The following THSD4 variants were observed in gnomAD, a reference collection of about 807,000 sequenced individuals.
THSD4 encodes the protein thrombospondin type 1 domain containing 4.
Under a neutral mutation model 119.0 loss-of-function variants are expected in THSD4, and 69 were observed. That is an observed-to-expected ratio of 0.58 (90% CI 0.48 to 0.71). The LOEUF (loss-of-function observed/expected upper bound fraction) is 0.71. Among genes scored for constraint, THSD4 ranks in the 30% least tolerant of loss-of-function variants. The pLI, the probability that THSD4 is intolerant of heterozygous loss-of-function variation, is 0.00. For synonymous variants in THSD4, 524 were observed against 540.4 expected (o/e 0.97, Z 0.42); for missense variants, 1,393 against 1,391.1 (o/e 1.00, Z -0.02).
At chr15:71,537,205 A>T (rs1299037464) in intron 7 of THSD4, among the ~76,000 whole-genome samples, 1 of 152,140 alleles carries the variant, frequency 6.6e-6, no homozygotes, top group East Asian at 1.9e-4. Context: ...AGCCCTTTTC[A>T]TCTGGACTAC....
At chr15:71,534,352 T>G (rs1595864817) in intron 7 of THSD4, among the ~76,000 whole-genome samples, 1 of 152,348 alleles carries the variant, frequency 6.6e-6, no homozygotes, top group Middle Eastern at 3.4e-3. Context: ...TTATCCTTCA[T>G]AAAAATTATT....
At chr15:71,676,548 G>A (rs1567095493) in intron 8 of THSD4, among the ~76,000 whole-genome samples, 1 of 152,110 alleles carries the variant, frequency 6.6e-6, no homozygotes, top group Non-Finnish European at 1.5e-5. Flanking sequence ...CCAAAGTGCT[G>A]GGATTACAGG....
chr15:71,170,855 C>A (rs2043353713), intron 3 of THSD4, among the ~76,000 whole-genome samples: 1 of 151,926 alleles, frequency 6.6e-6, no homozygotes, highest in African/African-American at 2.4e-5. Context: ...AAAAGACACC[C>A]AAATCTAACT....
At chr15:71,470,506 A>AT (rs2047560636) in intron 7 of THSD4, among the ~76,000 whole-genome samples, 1 of 152,142 alleles carries the variant, frequency 6.6e-6, no homozygotes, top group African/African-American at 2.4e-5. Context: ...AATTCATTTA[A>AT]TTTTCCTAAT....
chr15:71,501,114 A>G (rs1158507664), intron 7 of THSD4, among the ~76,000 whole-genome samples: 1 of 152,190 alleles, frequency 6.6e-6, no homozygotes, highest in African/African-American at 2.4e-5. Context: ...CATGAACATG[A>G]TATGTCTTTC....
chr15:71,737,680 C>G, intron 10 of THSD4, 52 bp from the exon 11 acceptor site: 13 of 1,520,568 alleles, frequency 8.5e-6, no homozygotes, highest in Non-Finnish European at 1.1e-5. Context: ...CTCTTTACAA[C>G]TCAGGGTCTA....
chr15:71,532,593 G>A (rs760544082), intron 7 of THSD4, among the ~76,000 whole-genome samples: 30 of 152,010 alleles, frequency 2.0e-4, no homozygotes, highest in Non-Finnish European at 2.9e-4. Context: ...GGGATTACAG[G>A]TGTGAGCCAC....
In THSD4 at chr15:71,778,646, A is replaced by T. The variant is rs775644180; in HGVS notation, c.*1272A>T. ...CTGGTCTTTCTGGTTTTGTTTATGA[A>T]TTTCCCTCTGTGGCCACAAATTCCT... On this transcript the variant is annotated 3_prime_UTR_variant, in exon 18 of 18. Transcript: ENST00000261862. 6.6e-6 allele frequency: 1 copy of T among 152,302 alleles called. No individual in the cohort carries two copies. The highest frequency in any genetic ancestry group is 2.4e-5 in the African/African-American group (1 of 41,394). 9.4% of individuals were successfully genotyped at this position (152,302 alleles called of 1,614,324 possible).
chr15:71,181,523 C>A (rs908754592), intron 3 of THSD4, among the ~76,000 whole-genome samples: 1 of 152,228 alleles, frequency 6.6e-6, no homozygotes, highest in Non-Finnish European at 1.5e-5. Flanking sequence ...CCAGGATTCC[C>A]CTTCAAATCT....
At chr15:71,143,555 G>A (rs1000282414) in intron 2 of THSD4, among the ~76,000 whole-genome samples, 4 of 152,066 alleles carry the variant, frequency 2.6e-5, no homozygotes, top group African/African-American at 4.8e-5. Context: ...TCTGGCTGTC[G>A]TCAAAAAGGC....
chr15:71,296,726 G>A (rs565875424), intron 6 of THSD4, among the ~76,000 whole-genome samples: 2 of 152,108 alleles, frequency 1.3e-5, no homozygotes, highest in Non-Finnish European at 2.9e-5. Flanking sequence ...TAAAATCAAG[G>A]GTCCAGTTTT....
At chr15:71,352,268 C>T (rs989285180) in intron 6 of THSD4, among the ~76,000 whole-genome samples, 7 of 152,308 alleles carry the variant, frequency 4.6e-5, no homozygotes, top group Non-Finnish European at 1.0e-4. Context: ...TTACGTGCAG[C>T]CCTCAGCCAG....
chr15:71,316,394 T>A (rs1188616173), intron 6 of THSD4, among the ~76,000 whole-genome samples: 2 of 152,178 alleles, frequency 1.3e-5, no homozygotes, highest in East Asian at 1.9e-4. Flanking sequence ...GTGGGACATC[T>A]TCAGTCACCT....
At chr15:71,114,752 A>G (rs2040339807), upstream of THSD4, among the ~76,000 whole-genome samples, 2 of 152,094 alleles carry the variant, frequency 1.3e-5, no homozygotes, top group Admixed American at 1.3e-4. Flanking sequence ...TTTTTGCAGC[A>G]GGCTTTTTTT....
At chr15:71,759,464 A>G (rs983193420) in intron 15 of THSD4, among the ~76,000 whole-genome samples, 2 of 152,232 alleles carry the variant, frequency 1.3e-5, no homozygotes, top group African/African-American at 2.4e-5. Flanking sequence ...ATAAGATGCT[A>G]TACATAAAGA....
At chr15:71,583,866 A>G (rs1416204434) in intron 7 of THSD4, among the ~76,000 whole-genome samples, 3 of 152,154 alleles carry the variant, frequency 2.0e-5, no homozygotes, top group Non-Finnish European at 4.4e-5. Flanking sequence ...TCTTGAGAAG[A>G]ACATGCATTC....
upstream of THSD4, chr15:71,111,593 C>T: frequency 1.6e-6 from 1 of 614,736 alleles, no homozygotes; most frequent in South Asian, 2.0e-5. Flanking sequence ...TGGGCACAGG[C>T]TTGCCTTGAC....
intron 8 of THSD4, among the ~76,000 whole-genome samples, chr15:71,665,987 C>T (rs893588428): frequency 6.6e-6 from 1 of 152,038 alleles, no homozygotes; most frequent in African/African-American, 2.4e-5. Context: ...GCCTTTGGGG[C>T]TCTTTTTTTG....
chr15:71,631,423 C>A (rs1344984284), intron 7 of THSD4, among the ~76,000 whole-genome samples: 1 of 152,310 alleles, frequency 6.6e-6, no homozygotes, highest in East Asian at 1.9e-4. Flanking sequence ...GAATGACAAA[C>A]ACCCTCACTA....
Sources: gnomAD v4.1 joint callset for allele counts (sites outside exome capture counted in the v4.1 genomes callset) on GRCh38, gnomAD v4.1.1 for gene constraint, MANE v1.5 for transcripts, NCBI Gene and HGNC (gene_info 2026-07-23, HGNC 2026-07-21) for gene names.